Variants in WDPCP observed in about 807,000 individuals in gnomAD.
WDPCP encodes the protein WD repeat-containing and planar cell polarity effector protein fritz homolog.
Under a neutral mutation model 93.1 loss-of-function variants are expected in WDPCP, and 71 were observed. That is an observed-to-expected ratio of 0.76 (90% confidence interval 0.63 to 0.93). The LOEUF (loss-of-function observed/expected upper bound fraction) is 0.93, where lower values mean the gene tolerates loss of function less well. WDPCP is among the 40% of genes least tolerant of loss of function. The pLI is 0.00. For missense variants in WDPCP, 844 were observed against 887.4 expected (o/e 0.95, Z 0.62); for synonymous variants, 315 against 315.0 (o/e 1.00, Z 0.00).
intron 2 of WDPCP, among the ~76,000 whole-genome samples, chr2:63,696,644 G>A (rs1338560776): frequency 6.6e-6 from 1 of 152,194 alleles, no homozygotes; most frequent in Non-Finnish European, 1.5e-5. Flanking sequence ...TTGGAGCAGA[G>A]CCCACGTGGC....
rs569918107 is a variant in WDPCP at position 63,149,378 on chromosome 2, A to T, written c.2190+3536T>A. Among the ~76,000 whole-genome samples the T allele has an allele frequency of 1.1e-4, 16 of 152,336 alleles. 1 individual carries two copies. The highest frequency in any genetic ancestry group is 3.6e-4 in the African/African-American group (15 of 41,582). On this transcript the variant is annotated intron_variant, in intron 17 of 17. Transcript: ENST00000272321. ...AAACCTGAGTGTTTAAGTATTAGCAAGATGTGGAGAAATGGAAACTCTTAT... is the reference window on the plus strand; with the variant it reads ...AAACCTGAGTGTTTAAGTATTAGCATGATGTGGAGAAATGGAAACTCTTAT...
chr2:63,272,219 G>GAATT (rs1240362284), intron 13 of WDPCP, among the ~76,000 whole-genome samples: 2 of 152,068 alleles, frequency 1.3e-5, no homozygotes, highest in African/African-American at 4.8e-5. Context: ...AGCAACTGAG[G>GAATT]AATTAACAGA....
At position 63,439,742 on chromosome 2, in the gene WDPCP, C is replaced by A. The variant is rs1457080526; in HGVS notation, c.499+15G>T. The A allele has an allele frequency of 1.2e-6, 2 of 1,607,600 alleles. No individual in the cohort carries two copies. The highest frequency in any genetic ancestry group is 1.7e-6 in the Non-Finnish European group (2 of 1,174,440). On this transcript the variant is annotated intron_variant, in intron 7 of 17. Coordinates refer to ENST00000272321, the MANE Select transcript of WDPCP (RefSeq NM_015910.7). ...TGTTAATGTAGGCAATTGATTTGCACATGGGGGTAATTACCATCACTGATG... is the reference window on the plus strand; with the variant it reads ...TGTTAATGTAGGCAATTGATTTGCAAATGGGGGTAATTACCATCACTGATG...
chr2:63,336,027 C>G (rs1027453113), intron 12 of WDPCP, among the ~76,000 whole-genome samples: 2 of 152,184 alleles, frequency 1.3e-5, no homozygotes, highest in African/African-American at 4.8e-5. Context: ...AAAGAGGAGG[C>G]ATGAATAATC....
chr2:63,368,392 A>G (rs555389087), intron 12 of WDPCP, among the ~76,000 whole-genome samples: 1 of 151,668 alleles, frequency 6.6e-6, no homozygotes, highest in African/African-American at 2.4e-5. Flanking sequence ...GTGGCACAAT[A>G]TCGGCTCACT....
intron 13 of WDPCP, among the ~76,000 whole-genome samples, chr2:63,266,571 G>A (rs987642996): frequency 2.6e-5 from 4 of 152,342 alleles, no homozygotes; most frequent in African/African-American, 7.2e-5. Flanking sequence ...ACTTTGGGAC[G>A]CTGAGGCGGG....
At chr2:63,158,437 T>C (rs1672414739) in intron 15 of WDPCP, among the ~76,000 whole-genome samples, 1 of 152,190 alleles carries the variant, frequency 6.6e-6, no homozygotes, top group African/African-American at 2.4e-5. Context: ...TTGTTATGCT[T>C]TCTTGATAAA....
At chr2:63,725,861 CCATT>C (rs1354425962) in intron 2 of WDPCP, among the ~76,000 whole-genome samples, 1 of 151,930 alleles carries the variant, frequency 6.6e-6, no homozygotes, top group East Asian at 1.9e-4. Context: ...TGAGAAGTGT[CCATT>C]CATGTCATTT....
At chr2:63,326,118 A>T (rs1429456228) in intron 12 of WDPCP, among the ~76,000 whole-genome samples, 1 of 152,242 alleles carries the variant, frequency 6.6e-6, no homozygotes, top group Non-Finnish European at 1.5e-5. Context: ...TGCTAAAAAA[A>T]GTTTATGGCT....
intron 1 of WDPCP, among the ~76,000 whole-genome samples, chr2:63,579,099 A>G (rs1708311842): frequency 6.6e-6 from 1 of 152,110 alleles, no homozygotes; most frequent in South Asian, 2.1e-4. Context: ...ATCTTATATC[A>G]CTTTTCACTA....
At chr2:63,759,262 G>T (rs1032978611) in intron 2 of WDPCP, among the ~76,000 whole-genome samples, 9 of 152,102 alleles carry the variant, frequency 5.9e-5, no homozygotes, top group Admixed American at 2.6e-4. Context: ...GTTTTTTAAA[G>T]GACTGCCCCC....
intron 2 of WDPCP, chr2:63,684,301 C>A: frequency 3.3e-6 from 2 of 601,994 alleles, no homozygotes; most frequent in Non-Finnish European, 6.3e-6. Flanking sequence ...GTGGTTGCTG[C>A]TGAAATGGGC....
intron 12 of WDPCP, among the ~76,000 whole-genome samples, chr2:63,318,913 C>A (rs1686871847): frequency 6.6e-6 from 1 of 151,790 alleles, no homozygotes; most frequent in South Asian, 2.1e-4. Context: ...GCTGATGTAC[C>A]CTTGACCCTA....
chr2:63,317,612 C>T (rs114525420), intron 12 of WDPCP, among the ~76,000 whole-genome samples: 2,273 of 152,120 alleles, frequency 0.015, 63 homozygotes, highest in African/African-American at 0.052. Flanking sequence ...AAGCCAAACA[C>T]CTGCAACCAA....
chr2:63,695,134 G>A (rs1304738167), intron 2 of WDPCP, among the ~76,000 whole-genome samples: 2 of 152,112 alleles, frequency 1.3e-5, no homozygotes, highest in Non-Finnish European at 2.9e-5. Flanking sequence ...TCATTGATAT[G>A]AATGTGGGAA....
At chr2:63,352,627 A>G (rs1489015708) in intron 12 of WDPCP, among the ~76,000 whole-genome samples, 3 of 152,230 alleles carry the variant, frequency 2.0e-5, no homozygotes, top group Non-Finnish European at 4.4e-5. Context: ...AATACAGTTC[A>G]ATATTCTTAA....
At chr2:63,314,124 G>A (rs1278180738) in intron 12 of WDPCP, among the ~76,000 whole-genome samples, 1 of 150,530 alleles carries the variant, frequency 6.6e-6, no homozygotes, top group Non-Finnish European at 1.5e-5. Flanking sequence ...TGATCCGCCT[G>A]CCTCAGCCTC....
chr2:63,624,045 CA>C (rs1169359011), intron 3 of WDPCP, among the ~76,000 whole-genome samples: 5 of 152,190 alleles, frequency 3.3e-5, no homozygotes, highest in African/African-American at 1.2e-4. Context: ...CAAAACTGCA[CA>C]ACTACATGGA....
intron 14 of WDPCP, among the ~76,000 whole-genome samples, chr2:63,214,941 G>A (rs1055916944): frequency 6.6e-6 from 1 of 152,082 alleles, no homozygotes; most frequent in Non-Finnish European, 1.5e-5. Flanking sequence ...ACTTCAAGGA[G>A]AATTACAAAC....
Sources: allele counts gnomAD v4.1 joint callset (sites outside exome capture counted in the v4.1 genomes callset), GRCh38; gene constraint gnomAD v4.1.1; transcripts MANE v1.5; gene names NCBI Gene and HGNC (gene_info 2026-07-23, HGNC 2026-07-21).